The following COP1 variants were observed in gnomAD, a reference collection of about 807,000 sequenced individuals.
COP1 encodes the protein E3 ubiquitin-protein ligase COP1.
COP1 carries 24 observed loss-of-function variants against 101.3 expected under a neutral mutation model. That is an observed-to-expected ratio of 0.24 (90% CI 0.17 to 0.33). COP1 has a LOEUF of 0.33. COP1 is among the 10% of genes least tolerant of loss of function. COP1 has a pLI of 1.00. For synonymous variants in COP1, 347 were observed against 341.9 expected (o/e 1.01, Z -0.17); for missense variants, 663 against 906.2 (o/e 0.73, Z 3.45).
chr1:175,958,086 T>C (rs1215653796), intron 18 of COP1, among the ~76,000 whole-genome samples: 1 of 152,108 alleles, frequency 6.6e-6, no homozygotes, highest in African/African-American at 2.4e-5. Flanking sequence ...TTGTTATAAC[T>C]GAATTAAGGT....
chr1:176,124,150 T>C (rs912324328), intron 8 of COP1, among the ~76,000 whole-genome samples: 3 of 152,170 alleles, frequency 2.0e-5, no homozygotes, highest in Non-Finnish European at 4.4e-5. Flanking sequence ...ACAGCAGGTG[T>C]ATATACTTAT....
intron 15 of COP1, among the ~76,000 whole-genome samples, chr1:176,019,263 G>A (rs568040092): frequency 7.9e-5 from 12 of 151,714 alleles, no homozygotes; most frequent in African/African-American, 2.4e-4. Context: ...AGGAGTTCGC[G>A]ATAAGCCTGA....
chr1:176,076,254 C>T (rs923599617), intron 11 of COP1, among the ~76,000 whole-genome samples: 1 of 151,932 alleles, frequency 6.6e-6, no homozygotes, highest in Non-Finnish European at 1.5e-5. Context: ...AAAAAAAAAT[C>T]ATAATCACAC....
chr1:176,098,111 C>A (rs1682749027), intron 9 of COP1, among the ~76,000 whole-genome samples: 1 of 152,052 alleles, frequency 6.6e-6, no homozygotes, highest in South Asian at 2.1e-4. Flanking sequence ...AAGGTTATAA[C>A]CTGCCTTTTT....
At chr1:175,950,297 G>A (rs1377900276) in intron 18 of COP1, among the ~76,000 whole-genome samples, 2 of 151,688 alleles carry the variant, frequency 1.3e-5, no homozygotes. Flanking sequence ...GAAAAATAAT[G>A]GCTTCATATC....
rs140685022 is a variant in COP1 at position 175,987,589 on chromosome 1, A to G, written c.1973-486T>C. Among the ~76,000 whole-genome samples, 399 of 152,314 alleles carry G rather than the reference A, an allele frequency of 2.6e-3. 3 individuals carry two copies. The highest frequency in any genetic ancestry group is 9.2e-3 in the African/African-American group (381 of 41,576). ...TTTATTTCCATTTCTCAGTATAGGA[A>G]TTATTCTATTAATGGTCTATGAACT... is the stretch of plus-strand genomic sequence containing the variant. On this transcript the variant is annotated intron_variant, in intron 17 of 19. Coordinates refer to ENST00000367669, the MANE Select transcript of COP1 (RefSeq NM_022457.7).
At chr1:176,004,646 G>C (rs1162348918) in intron 15 of COP1, among the ~76,000 whole-genome samples, 1 of 151,832 alleles carries the variant, frequency 6.6e-6, no homozygotes, top group African/African-American at 2.4e-5. Context: ...TTATATGCTG[G>C]ATTACATTTA....
chr1:176,196,795 T>C (rs1051053963), intron 1 of COP1, among the ~76,000 whole-genome samples: 9 of 151,832 alleles, frequency 5.9e-5, no homozygotes, highest in African/African-American at 1.9e-4. Context: ...ATCCCAGCAC[T>C]TTGAGAGGTC....
At chr1:175,970,464 G>T (rs1004548672) in intron 18 of COP1, among the ~76,000 whole-genome samples, 5 of 152,136 alleles carry the variant, frequency 3.3e-5, no homozygotes, top group Non-Finnish European at 7.4e-5. Flanking sequence ...CATTATATTA[G>T]ATTATTGAAA....
chr1:176,151,780 A>G (rs1692635388), intron 5 of COP1, among the ~76,000 whole-genome samples: 1 of 152,158 alleles, frequency 6.6e-6, no homozygotes, highest in Non-Finnish European at 1.5e-5. Context: ...CAACTGGGAG[A>G]AAACACATTG....
At chr1:176,093,753 T>A (rs1394097402) in intron 9 of COP1, among the ~76,000 whole-genome samples, 1 of 151,300 alleles carries the variant, frequency 6.6e-6, no homozygotes, top group East Asian at 1.9e-4. Flanking sequence ...GGCAGGAGAA[T>A]GCTGTGAACC....
At chr1:176,140,415 AG>A (rs1690486731) in intron 6 of COP1, among the ~76,000 whole-genome samples, 1 of 152,204 alleles carries the variant, frequency 6.6e-6, no homozygotes, top group African/African-American at 2.4e-5. Flanking sequence ...AATATTAAAA[AG>A]AAAAAAGTTT....
chr1:176,127,125 G>A (rs1047289984), intron 8 of COP1, among the ~76,000 whole-genome samples: 1 of 151,930 alleles, frequency 6.6e-6, no homozygotes, highest in African/African-American at 2.4e-5. Context: ...ATATTTACGA[G>A]GTATAAAATA....
At chr1:176,078,056 A>C (rs1292078937) in intron 11 of COP1, among the ~76,000 whole-genome samples, 2 of 152,218 alleles carry the variant, frequency 1.3e-5, no homozygotes, top group Non-Finnish European at 2.9e-5. Context: ...GATATTGCTA[A>C]AATGGCAATA....
intron 1 of COP1, among the ~76,000 whole-genome samples, chr1:176,192,877 A>AT (rs992569694): frequency 1.3e-5 from 2 of 152,104 alleles, no homozygotes; most frequent in African/African-American, 4.8e-5. Context: ...TTTAAGATTA[A>AT]TTTTTTTAAA....
At chr1:175,981,284 A>C (rs778875090) in intron 18 of COP1, among the ~76,000 whole-genome samples, 1 of 152,036 alleles carries the variant, frequency 6.6e-6, no homozygotes. Flanking sequence ...TTCCCACACT[A>C]TCTGGTTTCA....
At chr1:176,120,554 A>G (rs1457611421) in intron 8 of COP1, among the ~76,000 whole-genome samples, 1 of 152,222 alleles carries the variant, frequency 6.6e-6, no homozygotes, top group Non-Finnish European at 1.5e-5. Context: ...ACAGTTCTTA[A>G]TGTTCTTGCT....
chr1:176,058,572 G>A (rs1571984629), intron 11 of COP1, among the ~76,000 whole-genome samples: 1 of 152,128 alleles, frequency 6.6e-6, no homozygotes, highest in Non-Finnish European at 1.5e-5. Context: ...TGCTCATTAA[G>A]AGTCATCACC....
At chr1:176,202,722 G>A (rs1700397897) in intron 1 of COP1, among the ~76,000 whole-genome samples, 1 of 151,890 alleles carries the variant, frequency 6.6e-6, no homozygotes, top group African/African-American at 2.4e-5. Context: ...ATGGTCAACA[G>A]GCTTCATTTT....
Sources: gnomAD v4.1 joint callset for allele counts (sites outside exome capture counted in the v4.1 genomes callset) on GRCh38, gnomAD v4.1.1 for gene constraint, MANE v1.5 for transcripts, NCBI Gene and HGNC (gene_info 2026-07-23, HGNC 2026-07-21) for gene names.